MTMR6: variants seen among roughly 807,000 people sequenced by gnomAD.
MTMR6 encodes the protein myotubularin related protein 6.
In MTMR6, 47 loss-of-function variants were observed where a neutral mutation model predicts 80.1. The observed-to-expected ratio is 0.59, with a 90% CI of 0.46 to 0.75. MTMR6 has a LOEUF of 0.75. MTMR6 is among the 30% of genes least tolerant of loss of function. The pLI is 0.00. For missense variants in MTMR6, 629 were observed against 730.9 expected (o/e 0.86, Z 1.61); for synonymous variants, 254 against 253.0 (o/e 1.00, Z -0.04).
At chr13:25,267,265 A>AG (rs1268636371) in intron 3 of MTMR6, among the ~76,000 whole-genome samples, 1 of 150,842 alleles carries the variant, frequency 6.6e-6, no homozygotes, top group Admixed American at 6.6e-5. Context: ...AAAAAAAAAA[A>AG]GGTTCTTCTT....
chr13:25,258,468 A>T, intron 7 of MTMR6, 92 bp downstream of exon 7: 1 of 1,089,282 alleles, frequency 9.2e-7, no homozygotes, highest in South Asian at 1.9e-5. Flanking sequence ...TTTACTTTTT[A>T]AAATGTGACC....
intron 11 of MTMR6, among the ~76,000 whole-genome samples, chr13:25,253,471 C>T (rs1390182927): frequency 6.6e-6 from 1 of 152,134 alleles, no homozygotes. Flanking sequence ...ATTCTGGGTG[C>T]TGGTTACATA....
At chr13:25,278,455 C>T (rs73168509) in intron 1 of MTMR6, among the ~76,000 whole-genome samples, 7,293 of 151,832 alleles carry the variant, frequency 0.048, 231 homozygotes, top group Middle Eastern at 0.078. Context: ...AGCAGCCGGG[C>T]GCAGCTTGCA....
intron 6 of MTMR6, chr13:25,260,650 A>G (rs1957313751): frequency 2.3e-6 from 3 of 1,287,624 alleles, no homozygotes; most frequent in Admixed American, 2.3e-5. Flanking sequence ...AATTCTGCCA[A>G]TGTCCTTTTG....
intron 1 of MTMR6, among the ~76,000 whole-genome samples, chr13:25,286,015 G>T (rs578228045): frequency 2.0e-5 from 3 of 151,914 alleles, no homozygotes; most frequent in African/African-American, 7.3e-5. Flanking sequence ...CACCTTCTAC[G>T]AGTTTGGTTA....
At chr13:25,286,781 G>A (rs1957961890) in intron 1 of MTMR6, among the ~76,000 whole-genome samples, 1 of 151,906 alleles carries the variant, frequency 6.6e-6, no homozygotes. Flanking sequence ...TCCAAAACTC[G>A]TACTGTGAAT....
intron 5 of MTMR6, among the ~76,000 whole-genome samples, chr13:25,264,902 A>T (rs1021008226): frequency 6.6e-6 from 1 of 152,056 alleles, no homozygotes. Flanking sequence ...GAGACAAGGA[A>T]GTAATTTACC....
Position 25,253,749 on chromosome 13 carries a change from A to G in MTMR6, c.1346+15T>C. 1 of 1,609,600 alleles carries G rather than the reference A, an allele frequency of 6.2e-7. No homozygotes were observed. Among genetic ancestry groups the G allele is most frequent in the South Asian group, 1.1e-5 (1 of 90,782 alleles). On this transcript the variant is annotated intron_variant, in intron 11 of 13. Transcript: ENST00000381801. ...GTAGGGGGAAAAGGAGACTCTTTTA[A>G]TTGAATCATCTTACTTGAGCTCTTC...
chr13:25,271,410 G>C (rs1388308331), intron 2 of MTMR6, among the ~76,000 whole-genome samples: 1 of 152,202 alleles, frequency 6.6e-6, no homozygotes, highest in Non-Finnish European at 1.5e-5. Context: ...CAGCAGAGCT[G>C]ACATTTGAAC....
rs73168506 is a variant in MTMR6 at position 25,267,878 on chromosome 13, C to G, written c.205G>C (p.Val69Leu). 0.012 allele frequency: 19,801 copies of G among 1,613,452 alleles called. 147 individuals carry two copies. Among genetic ancestry groups the G allele is most frequent in the Non-Finnish European group, 0.015 (17,838 of 1,179,658 alleles). ...LALTTSGCPL[V>L]IQCKNFRTVH... ...GTTCTGAAGTTCTTGCACTGTATCA[C>G]AAGGGGGCATCCAGAAGTAGTCAAA... The change falls in exon 3 of 14, where the codon GTG becomes CTG. Residue 69 changes from valine (V) to leucine (L), a missense_variant. Physicochemically the swap from Val to Leu is conservative, Grantham distance 32. Transcript: ENST00000381801.
intron 8 of MTMR6, 96 bp downstream of exon 8, chr13:25,257,640 T>A: frequency 1.2e-6 from 1 of 860,542 alleles, no homozygotes; most frequent in Non-Finnish European, 1.8e-6. Context: ...ATAATAAAAG[T>A]TATCTGATGA....
chr13:25,265,821 C>T lies in MTMR6; in HGVS notation c.589G>A (p.Glu197Lys), dbSNP rs142057652. The T allele has an allele frequency of 1.5e-3, 2,399 of 1,612,506 alleles. 3 individuals carry two copies. The highest frequency in any genetic ancestry group is 2.3e-3 in the Middle Eastern group (14 of 6,058). ...AAATCAAAAGAAAAGCATCCTACCT[C>T]CTTATCTTGATGATAGTAGGAAAGA... ...PVLSYYHQDK[E>K]AAICRCSQPL... Residue 197 changes from glutamate (E) to lysine (K), a missense_variant and splice_region_variant, in exon 5 of 14, where the codon GAG (glutamate) becomes AAG (lysine). Glu to Lys is a moderately conservative substitution (Grantham distance 56). Coordinates refer to ENST00000381801, the MANE Select transcript of MTMR6 (RefSeq NM_004685.5).
At chr13:25,261,460 T>G (rs557096321) in intron 6 of MTMR6, among the ~76,000 whole-genome samples, 68 of 152,100 alleles carry the variant, frequency 4.5e-4, no homozygotes, top group South Asian at 8.3e-4. Flanking sequence ...TATCAGAAGA[T>G]GTAAGAAATC....
chr13:25,253,869 G>A lies in MTMR6; in HGVS notation c.1241C>T (p.Ala414Val). 1 of 1,614,064 alleles carries A rather than the reference G, an allele frequency of 6.2e-7. No homozygotes were observed. Among genetic ancestry groups the A allele is most frequent in the African/African-American group, 1.3e-5 (1 of 75,018 alleles). ...AAGAAATGCTTCACTGAATTCAAAG[G>A]CTTGTGGAAACTGTTCGGTCAAATG... ...VWHLTEQFPQ[A>V]FEFSEAFLLQ... Residue 414 changes from alanine (A) to valine (V), a missense_variant, in exon 11 of 14, where the codon GCC (alanine) becomes GTC (valine). Ala to Val is a moderately conservative substitution (Grantham distance 64). Transcript: ENST00000381801.
rs994128595 is a variant in MTMR6 at position 25,246,595 on chromosome 13, T to A, written c.*2637A>T. On this transcript the variant is annotated 3_prime_UTR_variant, in exon 14 of 14. Transcript: ENST00000381801. ...CACTTTCAATGGCAAAAGCCCCAAT[T>A]ACTTTTGCAGCAACTATATAGTTTT... The A allele has an allele frequency of 8.5e-5, 13 of 152,664 alleles. No homozygotes were observed. The highest frequency in any genetic ancestry group is 1.5e-4 in the Non-Finnish European group (10 of 68,046). The allele number at this position is 152,664 out of a possible 1,614,324, so 9.5% of individuals were successfully genotyped here.
chr13:25,265,798 A>G (rs759026791), intron 5 of MTMR6, 21 bp downstream of exon 5: 1 of 1,597,986 alleles, frequency 6.3e-7, no homozygotes, highest in Non-Finnish European at 8.5e-7. Context: ...TATTTCTAAA[A>G]TCAAAAGAAA....
intron 1 of MTMR6, 57 bp downstream of exon 1, chr13:25,287,167 T>C (rs1388153081): frequency 3.8e-6 from 6 of 1,563,572 alleles, no homozygotes; most frequent in Admixed American, 1.8e-5. Context: ...CGTCTCCTCC[T>C]GCCTCAGCCG....
At chr13:25,261,082 C>T (rs997444642) in intron 6 of MTMR6, among the ~76,000 whole-genome samples, 6 of 151,646 alleles carry the variant, frequency 4.0e-5, no homozygotes, top group South Asian at 2.1e-4. Context: ...CTGAGGTGGG[C>T]GGATCACTTG....
At position 25,249,279 on chromosome 13, in the gene MTMR6, G is replaced by A. The variant is rs761588107; in HGVS notation, c.1819C>T (p.Pro607Ser). The A allele has an allele frequency of 9.9e-6, 16 of 1,613,918 alleles. No individual in the cohort carries two copies. Among genetic ancestry groups the A allele is most frequent in the African/African-American group, 1.3e-5 (1 of 74,926 alleles). Residue 607 changes from proline to serine, a missense_variant, in exon 14 of 14, where the codon CCT (proline) becomes TCT (serine). Pro to Ser is a moderately conservative substitution (Grantham distance 74). Coordinates refer to ENST00000381801, the MANE Select transcript of MTMR6 (RefSeq NM_004685.5). Reference sequence around the variant, plus strand: ...CCATACTCTAAGCTGACCACAGCAGGTTCTGATTTAGAAAACTCTTCTGCA... The same window carrying A: ...CCATACTCTAAGCTGACCACAGCAGATTCTGATTTAGAAAACTCTTCTGCA... Reference protein sequence around the residue: ...EYAEEFSKSEPAVVSLEYGVA... With the variant: ...EYAEEFSKSESAVVSLEYGVA...
Sources: gnomAD v4.1 joint callset for allele counts (sites outside exome capture counted in the v4.1 genomes callset) on GRCh38, gnomAD v4.1.1 for gene constraint, MANE v1.5 for transcripts, NCBI Gene and HGNC (gene_info 2026-07-23, HGNC 2026-07-21) for gene names.